Variants in PRMT8 observed in about 807,000 individuals in gnomAD.
PRMT8 encodes the protein protein arginine N-methyltransferase 8.
Under a neutral mutation model 47.1 loss-of-function variants are expected in PRMT8, and 7 were observed. The observed-to-expected ratio is 0.15, with a 90% CI of 0.08 to 0.28. PRMT8 has a LOEUF of 0.28. PRMT8 is among the 10% of genes least tolerant of loss of function. The pLI is 1.00. For missense variants in PRMT8, 237 were observed against 505.4 expected (o/e 0.47, Z 5.09); for synonymous variants, 188 against 186.5 (o/e 1.01, Z -0.07).
At chr12:3,466,966 G>A (rs1454657073) in intron 1 of PRMT8, among the ~76,000 whole-genome samples, 5 of 152,116 alleles carry the variant, frequency 3.3e-5, no homozygotes, top group South Asian at 4.1e-4. Flanking sequence ...GACTGGGCGC[G>A]GTAGCTCATG....
intron 1 of PRMT8, among the ~76,000 whole-genome samples, chr12:3,429,207 G>A (rs1053489235): frequency 6.6e-6 from 1 of 152,166 alleles, no homozygotes; most frequent in Non-Finnish European, 1.5e-5. Flanking sequence ...TGGTCTGGGT[G>A]CCCTGGCTTA....
chr12:3,495,401 T>G (rs1865490142), intron 1 of PRMT8, among the ~76,000 whole-genome samples: 1 of 152,218 alleles, frequency 6.6e-6, no homozygotes, highest in South Asian at 2.1e-4. Context: ...ACTGCATATG[T>G]GAATGCTTCT....
rs139833042 is a variant in PRMT8, at chr12:3,538,625, C to T, written c.76-1981C>T. 375 of 518,988 alleles carry T rather than the reference C, an allele frequency of 7.2e-4. No individual in the cohort carries two copies. The highest frequency in any genetic ancestry group is 6.0e-3 in the African/African-American group (314 of 52,046). The allele number at this position is 518,988 out of a possible 1,614,324, so 32.1% of individuals were successfully genotyped here. Reference sequence around the variant, plus strand: ...CCATGCACAATGCCCAGACCAGCTCCGACTTTTTCCTCTCCTTCACATATT... The same window carrying T: ...CCATGCACAATGCCCAGACCAGCTCTGACTTTTTCCTCTCCTTCACATATT... On this transcript the variant is annotated intron_variant, in intron 1 of 9. Transcript: ENST00000382622. This position sits in a 1 kb window ranked among gnomAD's most constrained non-coding sequence, Gnocchi z 4.6.
intron 1 of PRMT8, among the ~76,000 whole-genome samples, chr12:3,401,276 CA>C (rs1432267733): frequency 6.6e-6 from 1 of 151,510 alleles, no homozygotes; most frequent in Non-Finnish European, 1.5e-5. Context: ...AATTCAACAT[CA>C]CTTCATGTTA....
intron 1 of PRMT8, among the ~76,000 whole-genome samples, chr12:3,443,829 C>T (rs955638669): frequency 1.3e-5 from 2 of 152,220 alleles, no homozygotes; most frequent in Non-Finnish European, 2.9e-5. Flanking sequence ...AACCCCTGGA[C>T]CCCATATGGT....
chr12:3,419,215 G>A (rs982140341), intron 1 of PRMT8, among the ~76,000 whole-genome samples: 4 of 152,342 alleles, frequency 2.6e-5, no homozygotes, highest in Admixed American at 6.5e-5. Flanking sequence ...TGACGGGAGA[G>A]CCTCGGTGTC....
chr12:3,468,219 C>T (rs1329831453), intron 1 of PRMT8, among the ~76,000 whole-genome samples: 1 of 152,118 alleles, frequency 6.6e-6, no homozygotes, highest in Non-Finnish European at 1.5e-5. Context: ...TAAGCAGGTG[C>T]ACTACTGTGA....
chr12:3,457,887 G>C (rs1343414670), intron 1 of PRMT8, among the ~76,000 whole-genome samples: 1 of 140,500 alleles, frequency 7.1e-6, no homozygotes, highest in East Asian at 2.1e-4. Flanking sequence ...TCTGTTGCCA[G>C]GCTGGAGTGC....
chr12:3,523,608 T>A (rs991178266), intron 1 of PRMT8, among the ~76,000 whole-genome samples: 9 of 152,102 alleles, frequency 5.9e-5, no homozygotes, highest in Admixed American at 2.6e-4. Context: ...GTTAAATGGG[T>A]CAAATTTTCA....
chr12:3,405,544 A>T (rs1864364287), intron 1 of PRMT8, among the ~76,000 whole-genome samples: 1 of 152,266 alleles, frequency 6.6e-6, no homozygotes, highest in South Asian at 2.1e-4. Context: ...CGCCTATAAA[A>T]TCAAAAGCAA....
At chr12:3,419,219 C>T (rs1034983057) in intron 1 of PRMT8, among the ~76,000 whole-genome samples, 6 of 152,186 alleles carry the variant, frequency 3.9e-5, no homozygotes, top group African/African-American at 1.2e-4. Context: ...GGGAGAGCCT[C>T]GGTGTCTTGG....
At chr12:3,488,492 CAT>C (rs1188236407), upstream of PRMT8, among the ~76,000 whole-genome samples, 5 of 152,194 alleles carry the variant, frequency 3.3e-5, no homozygotes, top group Admixed American at 6.5e-5. Flanking sequence ...TATCATCCCA[CAT>C]GTTTTCTTGC....
At chr12:3,522,979 G>A (rs1366076062) in intron 1 of PRMT8, among the ~76,000 whole-genome samples, 1 of 146,402 alleles carries the variant, frequency 6.8e-6, no homozygotes, top group Admixed American at 6.9e-5. Context: ...GGGTAAGGGG[G>A]TTCACAATTA....
intron 1 of PRMT8, among the ~76,000 whole-genome samples, chr12:3,421,490 G>A (rs1395835408): frequency 1.3e-5 from 2 of 152,340 alleles, no homozygotes; most frequent in Non-Finnish European, 2.9e-5. Context: ...GCTGGTGCCA[G>A]GACCGGTGGG....
At chr12:3,481,193 A>G (rs867310767) in intron 1 of PRMT8, among the ~76,000 whole-genome samples, 1 of 152,144 alleles carries the variant, frequency 6.6e-6, no homozygotes, top group Non-Finnish European at 1.5e-5. Flanking sequence ...CCCACATACT[A>G]TCTGAGAGCA....
intron 1 of PRMT8, among the ~76,000 whole-genome samples, chr12:3,470,863 T>C (rs180735774): frequency 6.6e-6 from 1 of 152,326 alleles, no homozygotes. Flanking sequence ...ACACAGGGCC[T>C]GCTTTGTAAA....
intron 1 of PRMT8, among the ~76,000 whole-genome samples, chr12:3,446,122 T>C (rs1864853085): frequency 6.6e-6 from 1 of 152,072 alleles, no homozygotes; most frequent in Non-Finnish European, 1.5e-5. Flanking sequence ...CCTTGGCCCA[T>C]AGATGTTCCT....
intron 1 of PRMT8, among the ~76,000 whole-genome samples, chr12:3,394,979 A>G (rs1864234079): frequency 6.6e-6 from 1 of 151,526 alleles, no homozygotes; most frequent in South Asian, 2.1e-4. Flanking sequence ...CTTCTTCTAG[A>G]TTTTCTAGTT....
chr12:3,543,968 C>A (rs752936530), intron 2 of PRMT8, among the ~76,000 whole-genome samples: 16 of 152,156 alleles, frequency 1.1e-4, no homozygotes, highest in African/African-American at 1.9e-4. Context: ...TTTGCCAATG[C>A]GGCTGTCCCT....
Sources: gnomAD v4.1 joint callset for allele counts (sites outside exome capture counted in the v4.1 genomes callset) on GRCh38, gnomAD v4.1.1 for gene constraint, Gnocchi (gnomAD v3.1) non-coding constraint, MANE v1.5 for transcripts, NCBI Gene and HGNC (gene_info 2026-07-23, HGNC 2026-07-21) for gene names.